ASXL1: variants seen among roughly 807,000 people sequenced by gnomAD.
ASXL1 encodes the protein polycomb group protein ASXL1.
ASXL1 carries 65 observed loss-of-function variants against 89.1 expected under a neutral mutation model. The observed-to-expected ratio is 0.73, with a 90% CI of 0.60 to 0.90. The LOEUF (loss-of-function observed/expected upper bound fraction) is 0.90, where lower values mean the gene tolerates loss of function less well. ASXL1 is among the 40% of genes least tolerant of loss of function. The pLI, the probability that ASXL1 is intolerant of heterozygous loss-of-function variation, is 0.00. For missense variants in ASXL1, 1,786 were observed against 1,942.9 expected, an observed-to-expected ratio of 0.92 and a Z score of 1.52; for synonymous variants, 739 against 746.9, an observed-to-expected ratio of 0.99 and a Z score of 0.17.
At chr20:32,430,902 C>T (rs2011494107) in intron 8 of ASXL1, 2 of 434,896 alleles carry the variant, frequency 4.6e-6, no homozygotes, top group Non-Finnish European at 8.7e-6. Context: ...CATCCCTCTC[C>T]AGCCCATTCA....
At chr20:32,363,697 T>C (rs1469608204) in intron 1 of ASXL1, among the ~76,000 whole-genome samples, 1 of 152,186 alleles carries the variant, frequency 6.6e-6, no homozygotes, top group Non-Finnish European at 1.5e-5. Flanking sequence ...GAAGGCTTCC[T>C]GGAGGAAGGT....
chr20:32,359,311 T>C, intron 1 of ASXL1: 1 of 702,576 alleles, frequency 1.4e-6, no homozygotes, highest in Non-Finnish European at 2.6e-6. Context: ...CAATGGCATG[T>C]TGAGCTTTCC....
At chr20:32,416,145 C>T (rs1000567256) in intron 4 of ASXL1, among the ~76,000 whole-genome samples, 62 of 152,116 alleles carry the variant, frequency 4.1e-4, no homozygotes, top group African/African-American at 1.5e-3. Context: ...GTATGCAATA[C>T]ATAGACATTT....
In ASXL1 at chr20:32,368,998, C is replaced by A. The variant is rs1249829941; in HGVS notation, c.144-17C>A. On this transcript the variant is annotated splice_polypyrimidine_tract_variant and intron_variant, in intron 3 of 12. Coordinates refer to ENST00000375687, the MANE Select transcript of ASXL1 (RefSeq NM_015338.6). ...ATGGATTGTATAACCCTCATCCATTCTTTTGTGGTTTTACAGTGGGACTTC... is the reference window on the plus strand; with the variant it reads ...ATGGATTGTATAACCCTCATCCATTATTTTGTGGTTTTACAGTGGGACTTC... The A allele has an allele frequency of 6.3e-7, 1 of 1,587,564 alleles. No individual in the cohort carries two copies. Among genetic ancestry groups the A allele is most frequent in the African/African-American group, 1.3e-5 (1 of 74,268 alleles).
In ASXL1 at chr20:32,399,747, C is replaced by CTT. The variant is rs369127811; in HGVS notation, c.253-28351_253-28350dup. 4.7e-4 allele frequency among the ~76,000 whole-genome samples: 35 copies of CTT among 73,878 alleles called. 2 individuals are homozygous for CTT. The highest frequency in any genetic ancestry group is 1.8e-3 in the African/African-American group (26 of 14,690). 48.5% of individuals were successfully genotyped at this position (73,878 alleles called of 152,430 possible). ...TTTTAAAAATCTCACATATTTTACT[C>CTT]TTTTTTTTTTTTTTTTTTTTTTTTT... On this transcript the variant is annotated intron_variant, in intron 4 of 12. Coordinates refer to ENST00000375687, the MANE Select transcript of ASXL1 (RefSeq NM_015338.6).
At chr20:32,376,561 CCA>C (rs1392221446) in intron 4 of ASXL1, among the ~76,000 whole-genome samples, 3 of 151,858 alleles carry the variant, frequency 2.0e-5, no homozygotes, top group African/African-American at 7.3e-5. Flanking sequence ...CAGGCGTGAG[CCA>C]CCACACCCAG....
At position 32,436,034 on chromosome 20, in the gene ASXL1, G is replaced by C. The variant is rs1182034797; in HGVS notation, c.3322G>C (p.Val1108Leu). 6.2e-7 allele frequency: 1 copy of C among 1,614,204 alleles called. No individual in the cohort carries two copies. Among genetic ancestry groups the C allele is most frequent in the Non-Finnish European group, 8.5e-7 (1 of 1,180,038 alleles). The change falls in exon 13 of 13, where the codon GTG (valine) becomes CTG (leucine). Residue 1108 changes from valine (V) to leucine (L), a missense_variant. This residue lies in a region of ASXL1 where 1,418 missense variants were observed against 1,427.8 expected (regional missense o/e 0.99). Transcript: ENST00000375687. ...CTCAGTGGAGGCCACTAACCCACTT[G>C]TGATGCAGTTGCTGCAGGGTAGCTT... ...GSSVEATNPLVMQLLQGSLPL... is the reference protein window; with the variant it reads ...GSSVEATNPLLMQLLQGSLPL...
chr20:32,385,088 G>C (rs939396701), intron 4 of ASXL1, among the ~76,000 whole-genome samples: 1 of 152,158 alleles, frequency 6.6e-6, no homozygotes, highest in African/African-American at 2.4e-5. Flanking sequence ...TAAGAAAGTT[G>C]CTTCTAGCTT....
At position 32,433,613 on chromosome 20, in the gene ASXL1, C is replaced by T. The variant is rs760377286; in HGVS notation, c.1415C>T (p.Ala472Val). Residue 472 changes from alanine to valine, a missense_variant, in exon 12 of 13, where the codon GCA (alanine) becomes GTA (valine). By Grantham distance (64) the Ala-to-Val change is moderately conservative (BLOSUM62 0). Around this residue, in one of 3 missense-constraint regions of ASXL1, gnomAD observed 1,418 missense variants for 1,427.8 expected, o/e 0.99. Coordinates refer to ENST00000375687, the MANE Select transcript of ASXL1 (RefSeq NM_015338.6). ...SSPHLPGTSS[A>V]APDLEGPEFP... ...CCCCATCTGCCAGGCACATCCTCTGCAGCACCCGACCTGGAGGGTCCCGAA... is the reference window on the plus strand; with the variant it reads ...CCCCATCTGCCAGGCACATCCTCTGTAGCACCCGACCTGGAGGGTCCCGAA... 7.4e-6 allele frequency: 12 copies of T among 1,613,882 alleles called. No individual in the cohort carries two copies. The highest frequency in any genetic ancestry group is 1.3e-5 in the African/African-American group (1 of 74,926).
chr20:32,363,623 T>C (rs1348629415), intron 1 of ASXL1, among the ~76,000 whole-genome samples: 1 of 152,238 alleles, frequency 6.6e-6, no homozygotes, highest in Non-Finnish European at 1.5e-5. Flanking sequence ...AAGATAATTG[T>C]ATGTGTTATG....
At chr20:32,378,559 C>CT (rs1387275692) in intron 4 of ASXL1, among the ~76,000 whole-genome samples, 1 of 152,042 alleles carries the variant, frequency 6.6e-6, no homozygotes, top group Admixed American at 6.6e-5. Flanking sequence ...GATTTGAATT[C>CT]TTTTTTCTTA....
At chr20:32,405,091 C>T (rs6141706) in intron 4 of ASXL1, among the ~76,000 whole-genome samples, 46,506 of 151,920 alleles carry the variant, frequency 0.31, 8,965 homozygotes, top group East Asian at 0.68. Flanking sequence ...TTTATTTTTT[C>T]CTGACCCATT....
intron 4 of ASXL1, among the ~76,000 whole-genome samples, chr20:32,404,598 A>C (rs1464396127): frequency 6.6e-6 from 1 of 152,128 alleles, no homozygotes; most frequent in African/African-American, 2.4e-5. Context: ...GGGCCGGTTT[A>C]ATATATTCCT....
chr20:32,360,685 T>A (rs567829538), intron 1 of ASXL1: 1 of 160,524 alleles, frequency 6.2e-6, no homozygotes, highest in African/African-American at 2.4e-5. Context: ...TAGTTGACTT[T>A]AGGAATTTGG....
At chr20:32,398,603 G>GTTTTTTTTTTTTTTTTTTTT (rs375341392) in intron 4 of ASXL1, among the ~76,000 whole-genome samples, 24 of 126,364 alleles carry the variant, frequency 1.9e-4, no homozygotes, top group East Asian at 4.5e-4. Context: ...TTTTTTGTTT[G>GTTTTTTTTTTTTTTTTTTTT]TTTTTTTTTT....
chr20:32,434,622 C>T lies in ASXL1; in HGVS notation c.1910C>T (p.Ala637Val), dbSNP rs769053835. 6.2e-7 allele frequency: 1 copy of T among 1,609,050 alleles called. No individual in the cohort carries two copies. Among genetic ancestry groups the T allele is most frequent in the African/African-American group, 1.3e-5 (1 of 74,874 alleles). The change falls in exon 13 of 13, where the codon GCC (alanine) becomes GTC (valine). Residue 637 changes from alanine (A) to valine (V), a missense_variant. Physicochemically the swap from Ala to Val is moderately conservative, Grantham distance 64. Around this residue, in one of 3 missense-constraint regions of ASXL1, gnomAD observed 1,418 missense variants for 1,427.8 expected, o/e 0.99. Transcript: ENST00000375687. ...GGTCACCACTGCCATAGAGAGGCGG[C>T]CACCACTGCCATCGGAGGGGGGGGT... ...ARGHHCHREA[A>V]TTAIGGGGGP...
chr20:32,396,184 C>T (rs1433525342), intron 4 of ASXL1, among the ~76,000 whole-genome samples: 1 of 152,204 alleles, frequency 6.6e-6, no homozygotes, highest in African/African-American at 2.4e-5. Flanking sequence ...ATAATCTCTT[C>T]TGATTCTGTC....
intron 3 of ASXL1, among the ~76,000 whole-genome samples, chr20:32,368,272 C>T (rs1007258376): frequency 2.6e-5 from 4 of 152,122 alleles, no homozygotes; most frequent in African/African-American, 9.7e-5. Context: ...TTTAAAGATT[C>T]AGTAAGTAGC....
rs1491333869 is a variant in ASXL1 at position 32,384,197 on chromosome 20, T to TG, written c.252+15075dup. Among the ~76,000 whole-genome samples, 119 of 140,006 alleles carry TG rather than the reference T, an allele frequency of 8.5e-4. 2 individuals are homozygous for TG. Among genetic ancestry groups the TG allele is most frequent in the African/African-American group, 3.0e-3 (112 of 37,706 alleles). 91.8% of individuals were successfully genotyped at this position (140,006 alleles called of 152,430 possible). A position where few individuals can be genotyped will look rare whatever the true frequency, so the allele number is the denominator to read the frequency against. On this transcript the variant is annotated intron_variant, in intron 4 of 12. Coordinates refer to ENST00000375687, the MANE Select transcript of ASXL1 (RefSeq NM_015338.6). ...GCTTTGGTCAATTGTAGCAGCAGTC[T>TG]GTTTTTTTTTTTTTTTTTTTTTTTT...
Sources: allele counts gnomAD v4.1 joint callset (sites outside exome capture counted in the v4.1 genomes callset), GRCh38; gene constraint gnomAD v4.1.1; regional missense constraint gnomAD v4.1.1; transcripts MANE v1.5; gene names NCBI Gene and HGNC (gene_info 2026-07-23, HGNC 2026-07-21).